The following NAV3 variants were observed in gnomAD, a reference collection of about 807,000 sequenced individuals.
NAV3 encodes pore membrane and/or filament interacting like protein 1.
NAV3 carries 87 observed loss-of-function variants against 244.7 expected under a neutral mutation model. The observed-to-expected ratio is 0.36, with a 90% CI of 0.30 to 0.42. The LOEUF is 0.42. Ranked by LOEUF, NAV3 falls within the 20% of genes least tolerant of loss-of-function variation. NAV3 has a pLI of 1.00. For missense variants in NAV3, 2,663 were observed against 2,893.3 expected (o/e 0.92, Z 1.83); for synonymous variants, 1,126 against 1,042.2 (o/e 1.08, Z -1.55).
intron 2 of NAV3, among the ~76,000 whole-genome samples, chr12:77,777,531 T>C (rs1465884210): frequency 6.6e-6 from 1 of 152,240 alleles, no homozygotes; most frequent in Non-Finnish European, 1.5e-5. Flanking sequence ...GACTTTATCA[T>C]GTTACTCAGA....
At chr12:77,701,076 T>C (rs1322884219) in intron 2 of NAV3, among the ~76,000 whole-genome samples, 7 of 151,958 alleles carry the variant, frequency 4.6e-5, no homozygotes, top group African/African-American at 1.4e-4. Context: ...GCCTGTTAAA[T>C]GAGTTGGGAG....
At chr12:78,144,884 A>G (rs1956788572) in intron 20 of NAV3, among the ~76,000 whole-genome samples, 1 of 131,034 alleles carries the variant, frequency 7.6e-6, no homozygotes, top group African/African-American at 2.8e-5. Context: ...TGCGCAGTGC[A>G]CCTGAGTGAT....
At chr12:78,063,866 A>G (rs1884633283) in intron 12 of NAV3, among the ~76,000 whole-genome samples, 1 of 152,140 alleles carries the variant, frequency 6.6e-6, no homozygotes. Flanking sequence ...GGGAATGTGG[A>G]CAAGGAGACG....
Position 77,873,744 on chromosome 12 carries a change from G to GTGTATATATA in NAV3, c.243+42041_243+42042insGTATATATAT, listed in dbSNP as rs776225440. On this transcript the variant is annotated intron_variant, in intron 1 of 39. Transcript: ENST00000397909. ...CTTATCTAAATACATATGTGTGTGT[G>GTGTATATATA]TATATATATATATATATATATATGT... Among the ~76,000 whole-genome samples, 687 of 73,092 alleles carry GTGTATATATA rather than the reference G, an allele frequency of 9.4e-3. 16 individuals carry two copies. The highest frequency in any genetic ancestry group is 0.016 in the Non-Finnish European group (557 of 34,452). 48.0% of individuals were successfully genotyped at this position (73,092 alleles called of 152,430 possible). A position where few individuals can be genotyped will look rare whatever the true frequency, so the allele number is the denominator to read the frequency against.
Position 78,128,301 on chromosome 12 carries a change from A to T in NAV3, c.4281-405A>T, listed in dbSNP as rs1956013918. Among the ~76,000 whole-genome samples the T allele has an allele frequency of 2.0e-5, 3 of 148,830 alleles. No homozygotes were observed. In the Admixed American group the frequency reaches 2.0e-4, roughly 10 times the overall value. ...AAAAAAACAAAAGCTGCCAATATGT[A>T]TTCCATTTCCCTATGCCTTCTGTGA... On this transcript the variant is annotated intron_variant, in intron 17 of 39. Transcript: ENST00000397909.
In NAV3 at chr12:78,159,367, A is replaced by T. The variant is rs562074951; in HGVS notation, c.4869+81A>T. ...TCTTAAATAATACCTGAAGCTCCTT[A>T]AAAATAATATTCCAGGCTGAGTGCA... On this transcript the variant is annotated intron_variant, in intron 23 of 39. Coordinates refer to ENST00000397909, the MANE Select transcript of NAV3 (RefSeq NM_001024383.2). 47 of 1,267,306 alleles carry T rather than the reference A, an allele frequency of 3.7e-5. No individual in the cohort carries two copies. The East Asian group carries it at 8.1e-4, about 22-fold the overall frequency. The allele number at this position is 1,267,306 out of a possible 1,614,324, so 78.5% of individuals were successfully genotyped here.
At chr12:77,924,503 G>A (rs772465987) in intron 1 of NAV3, among the ~76,000 whole-genome samples, 81 of 152,080 alleles carry the variant, frequency 5.3e-4, no homozygotes, top group Non-Finnish European at 9.6e-4. Context: ...GCAGTAGGGG[G>A]ACTTCCAGGC....
chr12:77,830,655 T>G (rs952342826), upstream of NAV3, among the ~76,000 whole-genome samples: 2 of 152,240 alleles, frequency 1.3e-5, no homozygotes, highest in Non-Finnish European at 2.9e-5. Flanking sequence ...GTTGCACTAT[T>G]GCATGATTTT....
chr12:77,945,888 A>G (rs1387824156), intron 3 of NAV3, among the ~76,000 whole-genome samples: 5 of 151,724 alleles, frequency 3.3e-5, no homozygotes, highest in Non-Finnish European at 5.9e-5. Flanking sequence ...AGCTGGGATT[A>G]CAGGTGCCCA....
intron 5 of NAV3, 89 bp downstream of exon 5, chr12:77,968,791 A>C: frequency 7.9e-7 from 1 of 1,264,378 alleles, no homozygotes; most frequent in Non-Finnish European, 1.1e-6. Flanking sequence ...AGTTTGAAAA[A>C]CGTACTCATG....
chr12:77,741,975 C>G (rs1036255592), intron 2 of NAV3, among the ~76,000 whole-genome samples: 3 of 152,034 alleles, frequency 2.0e-5, no homozygotes, highest in African/African-American at 7.2e-5. Flanking sequence ...TGACAACAAT[C>G]TCTTTTGACC....
chr12:78,027,981 T>TA (rs1878366636), intron 9 of NAV3, among the ~76,000 whole-genome samples: 1 of 152,140 alleles, frequency 6.6e-6, no homozygotes, highest in African/African-American at 2.4e-5. Context: ...TTGTTTTTTT[T>TA]ATAGCACAGA....
intron 2 of NAV3, among the ~76,000 whole-genome samples, chr12:77,720,340 C>T (rs757599855): frequency 4.6e-5 from 7 of 152,144 alleles, no homozygotes; most frequent in African/African-American, 1.7e-4. Flanking sequence ...CATCAGCTGG[C>T]TAGTGATTCT....
chr12:77,892,740 T>C (rs1314153868), intron 1 of NAV3, among the ~76,000 whole-genome samples: 1 of 152,218 alleles, frequency 6.6e-6, no homozygotes, highest in Non-Finnish European at 1.5e-5. Flanking sequence ...TATTTCAGCA[T>C]TTCCATTTAC....
At chr12:77,658,570 G>A (rs1434568040) in intron 2 of NAV3, among the ~76,000 whole-genome samples, 1 of 151,878 alleles carries the variant, frequency 6.6e-6, no homozygotes, top group Non-Finnish European at 1.5e-5. Flanking sequence ...TCCCCATCAA[G>A]CTACCAATGA....
intron 1 of NAV3, among the ~76,000 whole-genome samples, chr12:77,885,985 A>G (rs749393466): frequency 6.6e-6 from 1 of 152,110 alleles, no homozygotes; most frequent in Non-Finnish European, 1.5e-5. Context: ...TAAGCCAAAC[A>G]ACAAATCTTC....
Position 78,001,508 on chromosome 12 carries a change from G to C in NAV3, c.880+3032G>C, listed in dbSNP as rs1038809570. On this transcript the variant is annotated intron_variant, in intron 7 of 39. Coordinates refer to ENST00000397909, the MANE Select transcript of NAV3 (RefSeq NM_001024383.2). ...CACTTCTATATTAAAAAAACAAATT[G>C]TTGAAAGTACAGTGGCTTTTCATAT... Among the ~76,000 whole-genome samples, 4 of 152,070 alleles carry C rather than the reference G, an allele frequency of 2.6e-5. No homozygotes were observed. In the South Asian group the frequency reaches 8.3e-4, roughly 31 times the overall value.
chr12:77,729,911 A>G (rs992483034), intron 2 of NAV3, among the ~76,000 whole-genome samples: 1 of 152,024 alleles, frequency 6.6e-6, no homozygotes, highest in African/African-American at 2.4e-5. Context: ...CCAGGATGCT[A>G]TATCCAAGAT....
At chr12:78,139,079 T>C (rs77968610) in intron 19 of NAV3, among the ~76,000 whole-genome samples, 12,390 of 147,648 alleles carry the variant, frequency 0.084, 647 homozygotes, top group Non-Finnish European at 0.13. Flanking sequence ...ACGAGGGTAT[T>C]ATTAGAGATA....
Sources: gnomAD v4.1 joint callset for allele counts (sites outside exome capture counted in the v4.1 genomes callset) on GRCh38, gnomAD v4.1.1 for gene constraint, MANE v1.5 for transcripts, NCBI Gene and HGNC (gene_info 2026-07-23, HGNC 2026-07-21) for gene names.